The following FBXL13 variants were observed in gnomAD, a reference collection of about 807,000 sequenced individuals.
The protein encoded by FBXL13 is F-box and leucine-rich repeat protein 13.
In FBXL13, 67 loss-of-function variants were observed where a neutral mutation model predicts 83.6. That is an observed-to-expected ratio of 0.80 (90% CI 0.66 to 0.98). The LOEUF is 0.98. Among genes scored for constraint, FBXL13 ranks in the 50% least tolerant of loss-of-function variants. FBXL13 has a pLI of 0.00. For synonymous variants in FBXL13, 272 were observed against 299.5 expected, an observed-to-expected ratio of 0.91 and a Z score of 0.95; for missense variants, 822 against 866.5, an observed-to-expected ratio of 0.95 and a Z score of 0.64.
intron 2 of FBXL13, among the ~76,000 whole-genome samples, chr7:103,045,633 T>C (rs1796195864): frequency 6.6e-6 from 1 of 152,214 alleles, no homozygotes; most frequent in South Asian, 2.1e-4. Flanking sequence ...TGTTCTAGGA[T>C]CTATGTGTTT....
chr7:102,907,601 G>C (rs1813964598), intron 11 of FBXL13, among the ~76,000 whole-genome samples: 1 of 151,964 alleles, frequency 6.6e-6, no homozygotes, highest in Non-Finnish European at 1.5e-5. Flanking sequence ...ATAGTTTGCT[G>C]AGAATGATGG....
At chr7:102,893,964 G>GAAAA (rs1563055189) in intron 11 of FBXL13, among the ~76,000 whole-genome samples, 1 of 75,326 alleles carries the variant, frequency 1.3e-5, no homozygotes, top group Non-Finnish European at 2.8e-5. Context: ...GAAAGAAAGA[G>GAAAA]AGAAAGAAAG....
intron 9 of FBXL13, 150 bp downstream of exon 10, chr7:102,931,731 G>T: frequency 1.6e-6 from 1 of 630,192 alleles, no homozygotes. Flanking sequence ...TGTGCAGATG[G>T]AGTAAAATTT....
chr7:102,892,415 T>G lies in FBXL13; in HGVS notation c.1009-8103A>C, dbSNP rs1811647715. Among the ~76,000 whole-genome samples, 8 of 152,344 alleles carry G rather than the reference T, an allele frequency of 5.3e-5. 1 individual carries two copies. In the South Asian group the frequency reaches 1.7e-3, roughly 32 times the overall value. ...CCAATGAATAATTTTAACAACCATT[T>G]AAATTTATATAAGTCCGATTTACAA... On this transcript the variant is annotated intron_variant, in intron 11 of 19. Coordinates refer to ENST00000313221, the Ensembl canonical transcript of FBXL13.
chr7:102,912,916 TA>T, intron 11 of FBXL13, 169 bp downstream of exon 12: 1 of 806,340 alleles, frequency 1.2e-6, no homozygotes, highest in Non-Finnish European at 1.9e-6. Flanking sequence ...CAAGAGCCTA[TA>T]ATAGCGATCC....
intron 1 of FBXL13, among the ~76,000 whole-genome samples, chr7:103,063,301 C>T (rs549557484): frequency 3.3e-5 from 5 of 152,234 alleles, no homozygotes; most frequent in African/African-American, 9.6e-5. Flanking sequence ...TGTCATTATT[C>T]CCTAAATGAA....
chr7:102,861,705 G>A (rs1226678253), intron 16 of FBXL13, among the ~76,000 whole-genome samples: 1 of 152,216 alleles, frequency 6.6e-6, no homozygotes, highest in East Asian at 1.9e-4. Context: ...CTGCAGGCCG[G>A]GCGCGGTGGC....
chr7:102,944,063 G>T (rs1585067280), intron 8 of FBXL13: 1 of 631,452 alleles, frequency 1.6e-6, no homozygotes, highest in East Asian at 2.9e-5. Context: ...TAAAGTAAAA[G>T]CTCTGAGAAA....
chr7:102,935,411 C>G (rs924970928), intron 8 of FBXL13, among the ~76,000 whole-genome samples: 1 of 151,802 alleles, frequency 6.6e-6, no homozygotes, highest in Non-Finnish European at 1.5e-5. Flanking sequence ...TCTTAACATC[C>G]TATATCTTAA....
intron 18 of FBXL13, 122 bp downstream of exon 19, chr7:102,832,718 C>A: frequency 8.3e-7 from 1 of 1,209,174 alleles, no homozygotes; most frequent in Non-Finnish European, 1.1e-6. Flanking sequence ...AGAAAAAAAT[C>A]CAATGAATAC....
chr7:102,814,932 T>C (rs1228233477), intron 19 of FBXL13, among the ~76,000 whole-genome samples: 1 of 152,228 alleles, frequency 6.6e-6, no homozygotes, highest in East Asian at 1.9e-4. Flanking sequence ...CTTTTGCTTT[T>C]CCCACATTAT....
chr7:102,912,674 C>A (rs1306955359), intron 11 of FBXL13, among the ~76,000 whole-genome samples: 17 of 104,844 alleles, frequency 1.6e-4, no homozygotes, highest in Admixed American at 3.5e-4. Flanking sequence ...GCATTTTACC[C>A]CCCCCCCCCC....
chr7:103,025,220 T>C, exon 6 of FBXL13: 2 of 1,571,506 alleles, frequency 1.3e-6, no homozygotes, highest in Non-Finnish European at 1.7e-6. Flanking sequence ...TTGAAGTTCA[T>C]GTTTTAATAT....
At chr7:102,945,338 G>GT (rs1822291240) in intron 8 of FBXL13, among the ~76,000 whole-genome samples, 1 of 152,092 alleles carries the variant, frequency 6.6e-6, no homozygotes. Flanking sequence ...ATTTTTGTTT[G>GT]TTTGTTTTTG....
rs62484945 is a variant in FBXL13 at position 102,891,676 on chromosome 7, T to G, written c.1009-7364A>C. ...GGACAACCAAACATTAAAAAAAAAT[T>G]AATTTTCCAGTGTGAGTGAGGAACC... On this transcript the variant is annotated intron_variant, in intron 11 of 19. Coordinates refer to ENST00000313221, the Ensembl canonical transcript of FBXL13. 2.0e-5 allele frequency among the ~76,000 whole-genome samples: 3 copies of G among 152,186 alleles called. No homozygotes were observed. The South Asian group carries it at 6.2e-4, about 32-fold the overall frequency.
chr7:102,974,841 C>T (rs1421781918), intron 6 of FBXL13, among the ~76,000 whole-genome samples: 1 of 152,066 alleles, frequency 6.6e-6, no homozygotes, highest in Non-Finnish European at 1.5e-5. Context: ...TTCATCTTCC[C>T]AGTCGCCATC....
intron 6 of FBXL13, among the ~76,000 whole-genome samples, chr7:102,982,613 A>G (rs1342794975): frequency 1.3e-5 from 2 of 152,180 alleles, no homozygotes; most frequent in African/African-American, 4.8e-5. Flanking sequence ...GCATGGACCC[A>G]TTGAGGCATT....
rs199540401 is a variant in FBXL13 at position 102,834,032 on chromosome 7, TGAAGGAAGGAAG to T, written c.1720-1070_1720-1059del. 5.3e-3 allele frequency among the ~76,000 whole-genome samples: 402 copies of T among 75,460 alleles called. 7 individuals are homozygous for T. Among genetic ancestry groups the T allele is most frequent in the African/African-American group, 0.02 (340 of 16,748 alleles). The allele number at this position is 75,460 out of a possible 152,430, so 49.5% of individuals were successfully genotyped here. Reference sequence around the variant, plus strand: ...TAGGAGTAGAAATTGGAAACCATGATGAAGGAAGGAAGGAAGGAAGGAAGGAAGGAAGGAAGG... The same window carrying T: ...TAGGAGTAGAAATTGGAAACCATGATGAAGGAAGGAAGGAAGGAAGGAAGG... On this transcript the variant is annotated intron_variant, in intron 17 of 19. Transcript: ENST00000313221.
At chr7:102,977,919 G>T (rs1324548448) in intron 6 of FBXL13, among the ~76,000 whole-genome samples, 1 of 152,138 alleles carries the variant, frequency 6.6e-6, no homozygotes, top group African/African-American at 2.4e-5. Context: ...GACACAGGAA[G>T]GGGAACATCA....
Sources: gnomAD v4.1 joint callset for allele counts (sites outside exome capture counted in the v4.1 genomes callset) on GRCh38, gnomAD v4.1.1 for gene constraint, MANE v1.5 for transcripts, NCBI Gene and HGNC (gene_info 2026-07-23, HGNC 2026-07-21) for gene names.